QRSL1: variants seen among roughly 807,000 people sequenced by gnomAD.
QRSL1 encodes glutamyl-tRNA(Gln) amidotransferase subunit A, mitochondrial.
Under a neutral mutation model 61.6 loss-of-function variants are expected in QRSL1, and 54 were observed. The observed-to-expected ratio is 0.88, with a 90% CI of 0.70 to 1.10. The LOEUF is 1.10. Ranked by LOEUF, QRSL1 falls within the 50% of genes least tolerant of loss-of-function variation. The pLI is 0.00. For synonymous variants in QRSL1, 228 were observed against 225.7 expected, an observed-to-expected ratio of 1.01 and a Z score of -0.09; for missense variants, 505 against 622.6, an observed-to-expected ratio of 0.81 and a Z score of 2.01.
At chr6:106,651,943 T>C (rs1345367162) in intron 5 of QRSL1, among the ~76,000 whole-genome samples, 9 of 152,172 alleles carry the variant, frequency 5.9e-5, no homozygotes, top group Non-Finnish European at 8.8e-5. Context: ...AACTCATGAT[T>C]ACAGAATTAT....
intron 5 of QRSL1, among the ~76,000 whole-genome samples, chr6:106,650,555 GTTTACCCCTTTT>G: frequency 6.6e-6 from 1 of 151,330 alleles, no homozygotes; most frequent in South Asian, 2.1e-4. Flanking sequence ...TTTTTGATTT[GTTTACCCCTTTT>G]TGATTTGTTT....
At chr6:106,651,796 T>C (rs1429186571) in intron 5 of QRSL1, among the ~76,000 whole-genome samples, 2 of 152,150 alleles carry the variant, frequency 1.3e-5, no homozygotes, top group African/African-American at 4.8e-5. Flanking sequence ...AAGTGCAAGA[T>C]TTATATGTAT....
chr6:106,663,035 G>T lies in QRSL1; in HGVS notation c.1216G>T (p.Asp406Tyr). ...GAAAGTGAGACGCCTCATTGCTAAT[G>T]ACTTTGTAAATGCTTTTAACTCTGG... is the stretch of plus-strand genomic sequence containing the variant. ...AQKVRRLIANDFVNAFNSGVD... is the reference protein window; with the variant it reads ...AQKVRRLIANYFVNAFNSGVD... The change falls in exon 10 of 11, where the codon GAC (aspartate) becomes TAC (tyrosine). Residue 406 changes from aspartate to tyrosine, a missense_variant. By Grantham distance (160) the Asp-to-Tyr change is radical. Coordinates refer to ENST00000369046, the MANE Select transcript of QRSL1 (RefSeq NM_018292.5). 1 of 1,613,144 alleles carries T rather than the reference G, an allele frequency of 6.2e-7. No individual in the cohort carries two copies.
At chr6:106,640,576 C>T in intron 2 of QRSL1, 68 bp downstream of exon 2, 2 of 1,356,436 alleles carry the variant, frequency 1.5e-6, no homozygotes, top group East Asian at 4.9e-5. Context: ...TAGCAGTCTC[C>T]ATTTGGCAAG....
At chr6:106,661,125 T>G (rs3101498) in intron 9 of QRSL1, among the ~76,000 whole-genome samples, 67,166 of 149,478 alleles carry the variant, frequency 0.45, 15,377 homozygotes, top group Non-Finnish European at 0.51. Flanking sequence ...GTTTTGTTTT[T>G]TTTTGAGACG....
At chr6:106,652,649 G>A (rs1017774923) in intron 7 of QRSL1, 67 bp downstream of exon 7, 2 of 1,602,110 alleles carry the variant, frequency 1.2e-6, no homozygotes, top group African/African-American at 2.7e-5. Context: ...AGACTTGGGA[G>A]GCGGATTGGG....
intron 5 of QRSL1, among the ~76,000 whole-genome samples, chr6:106,651,096 A>G (rs541302727): frequency 6.6e-6 from 1 of 152,278 alleles, no homozygotes; most frequent in East Asian, 1.9e-4. Context: ...AGCCCTGGTA[A>G]CCACCTTCTA....
At chr6:106,661,929 T>C (rs1414360109) in intron 9 of QRSL1, among the ~76,000 whole-genome samples, 3 of 151,858 alleles carry the variant, frequency 2.0e-5, no homozygotes, top group Non-Finnish European at 4.4e-5. Flanking sequence ...CAGGCTGGTC[T>C]TAAACTCTCA....
intron 1 of QRSL1, chr6:106,640,031 T>G (rs906786674): frequency 3.9e-5 from 8 of 207,592 alleles, no homozygotes; most frequent in Non-Finnish European, 6.8e-5. Flanking sequence ...CAGCCATCCT[T>G]CACCCATGCT....
At chr6:106,640,189 A>T in intron 1 of QRSL1, 160 bp from the exon 2 acceptor site, 1 of 621,682 alleles carries the variant, frequency 1.6e-6, no homozygotes, top group Non-Finnish European at 2.8e-6. Flanking sequence ...CCCTTCATCC[A>T]CTACACTAAG....
intron 9 of QRSL1, among the ~76,000 whole-genome samples, chr6:106,659,263 G>A (rs747183059): frequency 6.6e-6 from 1 of 152,006 alleles, no homozygotes; most frequent in Non-Finnish European, 1.5e-5. Flanking sequence ...TCAGGAGTTC[G>A]AGACCAGCCT....
At chr6:106,663,292 T>C in intron 10 of QRSL1, 107 bp downstream of exon 10, 1 of 1,052,046 alleles carries the variant, frequency 9.5e-7, no homozygotes, top group Non-Finnish European at 1.4e-6. Flanking sequence ...CAAAAGTCTA[T>C]CCTTTTGGAA....
rs760960515 is a variant in QRSL1, at chr6:106,666,077, G to T, written c.*75G>T. Reference sequence around the variant, plus strand: ...ACCTGTAATCCCAGCACTTTGGGAGGCCAAGGCGAGCGGATCATGAGGTCA... The same window carrying T: ...ACCTGTAATCCCAGCACTTTGGGAGTCCAAGGCGAGCGGATCATGAGGTCA... On this transcript the variant is annotated 3_prime_UTR_variant, in exon 11 of 11. Coordinates refer to ENST00000369046, the MANE Select transcript of QRSL1 (RefSeq NM_018292.5). 3.6e-5 allele frequency: 44 copies of T among 1,206,082 alleles called. No individual in the cohort carries two copies. Among genetic ancestry groups the T allele is most frequent in the Admixed American group, 5.6e-5 (3 of 53,302 alleles). The allele number at this position is 1,206,082 out of a possible 1,614,324, so 74.7% of individuals were successfully genotyped here. A position where few individuals can be genotyped will look rare whatever the true frequency, so the allele number is the denominator to read the frequency against.
At chr6:106,654,206 C>T (rs1191235170) in intron 7 of QRSL1, among the ~76,000 whole-genome samples, 2 of 152,056 alleles carry the variant, frequency 1.3e-5, no homozygotes, top group Non-Finnish European at 2.9e-5. Flanking sequence ...AAAAATTAGC[C>T]GGGCGTGGCT....
chr6:106,639,188 C>G (rs112925176), intron 1 of QRSL1, among the ~76,000 whole-genome samples: 1 of 141,086 alleles, frequency 7.1e-6, no homozygotes, highest in African/African-American at 2.7e-5. Context: ...TGCAGTGGCG[C>G]GATCTTGGCT....
intron 1 of QRSL1, among the ~76,000 whole-genome samples, chr6:106,637,432 C>T (rs370747321): frequency 1.3e-5 from 2 of 152,124 alleles, no homozygotes; most frequent in African/African-American, 4.8e-5. Context: ...ACAAAGATGA[C>T]AGTGTGCTAG....
intron 4 of QRSL1, 54 bp from the exon 5 acceptor site, chr6:106,648,971 T>A (rs1168391930): frequency 6.5e-7 from 1 of 1,534,098 alleles, no homozygotes; most frequent in Non-Finnish European, 8.8e-7. Flanking sequence ...GAAGATGAAA[T>A]TTTCACATAA....
chr6:106,647,920 G>T (rs1777136723), intron 4 of QRSL1, among the ~76,000 whole-genome samples: 1 of 150,980 alleles, frequency 6.6e-6, no homozygotes, highest in African/African-American at 2.4e-5. Context: ...AAAGTGCTGG[G>T]ATTACAGGCG....
chr6:106,642,740 T>C lies in QRSL1; in HGVS notation c.284-254T>C, dbSNP rs530862431. The C allele has an allele frequency of 2.3e-3, 1,676 of 736,742 alleles. 6 individuals are homozygous for C. Among genetic ancestry groups the C allele is most frequent in the Non-Finnish European group, 2.5e-3 (1,009 of 401,756 alleles). 45.6% of individuals were successfully genotyped at this position (736,742 alleles called of 1,614,324 possible). ...TGTGCATATTGAGCACAGTAAGTAC[T>C]GTAAGAGCCGAGATAGCTTCCTGAA... is the stretch of plus-strand genomic sequence containing the variant. On this transcript the variant is annotated intron_variant, in intron 3 of 10. Coordinates refer to ENST00000369046, the MANE Select transcript of QRSL1 (RefSeq NM_018292.5).
Sources: gnomAD v4.1 joint callset for allele counts (sites outside exome capture counted in the v4.1 genomes callset) on GRCh38, gnomAD v4.1.1 for gene constraint, MANE v1.5 for transcripts, NCBI Gene and HGNC (gene_info 2026-07-23, HGNC 2026-07-21) for gene names.